EYA4: variants seen among roughly 807,000 people sequenced by gnomAD.
EYA4 encodes protein phosphatase EYA4.
In EYA4, 31 loss-of-function variants were observed where a neutral mutation model predicts 87.9. That is an observed-to-expected ratio of 0.35 (90% CI 0.27 to 0.48). The LOEUF is 0.48. Ranked by LOEUF, EYA4 falls within the 20% of genes least tolerant of loss-of-function variation. The pLI is 0.99. For missense variants in EYA4, 678 were observed against 761.4 expected, an observed-to-expected ratio of 0.89 and a Z score of 1.29; for synonymous variants, 263 against 270.6, an observed-to-expected ratio of 0.97 and a Z score of 0.28.
In EYA4 at chr6:133,411,863, G is replaced by C. The variant is rs140713631; in HGVS notation, c.83+29422G>C. ...GTGAACTTCTAGAAATGCAATTTCA[G>C]GTCAAAGGTCATGCATATTTTAAAG... On this transcript the variant is annotated intron_variant, in intron 3 of 19. Transcript: ENST00000355286. Among the ~76,000 whole-genome samples the C allele has an allele frequency of 6.2e-3, 941 of 152,248 alleles. 10 individuals carry two copies. Among genetic ancestry groups the C allele is most frequent in the Middle Eastern group, 0.027 (8 of 294 alleles).
At chr6:133,308,742 T>A (rs1779999802) in intron 2 of EYA4, among the ~76,000 whole-genome samples, 1 of 152,222 alleles carries the variant, frequency 6.6e-6, no homozygotes, top group Non-Finnish European at 1.5e-5. Context: ...AGGACATGAT[T>A]TTGTCTTTTT....
At chr6:133,324,061 A>G (rs1582957314) in intron 2 of EYA4, among the ~76,000 whole-genome samples, 1 of 152,168 alleles carries the variant, frequency 6.6e-6, no homozygotes, top group African/African-American at 2.4e-5. Flanking sequence ...CTTCTTTGGA[A>G]AATCAGCCCT....
At chr6:133,441,797 G>A (rs1792323431) in intron 3 of EYA4, among the ~76,000 whole-genome samples, 1 of 152,054 alleles carries the variant, frequency 6.6e-6, no homozygotes, top group Non-Finnish European at 1.5e-5. Flanking sequence ...CAGGTAATCA[G>A]AATGAGTCAG....
chr6:133,396,212 TG>T (rs773591009), intron 3 of EYA4, among the ~76,000 whole-genome samples: 2 of 152,230 alleles, frequency 1.3e-5, no homozygotes, highest in African/African-American at 4.8e-5. Flanking sequence ...GTGATTAATT[TG>T]TCAAAATTCC....
At chr6:133,391,474 T>C (rs1045760140) in intron 3 of EYA4, among the ~76,000 whole-genome samples, 1 of 152,166 alleles carries the variant, frequency 6.6e-6, no homozygotes, top group Admixed American at 6.5e-5. Context: ...GTTCATCTCT[T>C]ATTCATCTCT....
At chr6:133,313,269 G>T (rs1780372795) in intron 2 of EYA4, among the ~76,000 whole-genome samples, 3 of 152,166 alleles carry the variant, frequency 2.0e-5, no homozygotes, top group Admixed American at 1.3e-4. Flanking sequence ...AGGAAAGTTT[G>T]CTCCAAGCCA....
intron 13 of EYA4, among the ~76,000 whole-genome samples, chr6:133,502,992 T>A (rs1027514520): frequency 2.6e-5 from 4 of 152,244 alleles, no homozygotes; most frequent in African/African-American, 9.6e-5. Context: ...GAGTGTGTGA[T>A]GTGGAATCTC....
At chr6:133,384,809 G>A (rs191800873) in intron 3 of EYA4, among the ~76,000 whole-genome samples, 5 of 152,110 alleles carry the variant, frequency 3.3e-5, no homozygotes, top group Admixed American at 6.5e-5. Flanking sequence ...AAAATATACC[G>A]AAGAGCACTC....
chr6:133,418,862 A>G (rs923734788), intron 3 of EYA4, among the ~76,000 whole-genome samples: 4 of 152,200 alleles, frequency 2.6e-5, no homozygotes, highest in Non-Finnish European at 5.9e-5. Context: ...CGGTAAACCC[A>G]GGAGCAGTAA....
At chr6:133,372,576 T>C (rs986499261) in intron 2 of EYA4, among the ~76,000 whole-genome samples, 1 of 149,814 alleles carries the variant, frequency 6.7e-6, no homozygotes, top group Non-Finnish European at 1.5e-5. Context: ...ATAAATACAT[T>C]TTTTTTTATT....
At chr6:133,327,664 C>A (rs75851211) in intron 2 of EYA4, among the ~76,000 whole-genome samples, 492 of 152,250 alleles carry the variant, frequency 3.2e-3, no homozygotes, top group African/African-American at 0.011. Flanking sequence ...AGTCAAAATG[C>A]TTGATCCAAT....
At chr6:133,300,826 G>A (rs990566076) in intron 2 of EYA4, among the ~76,000 whole-genome samples, 1 of 152,182 alleles carries the variant, frequency 6.6e-6, no homozygotes, top group Non-Finnish European at 1.5e-5. Context: ...TGTCAGAATG[G>A]AGGAATATTA....
chr6:133,296,801 A>G (rs1014687251), intron 2 of EYA4, among the ~76,000 whole-genome samples: 2 of 151,888 alleles, frequency 1.3e-5, no homozygotes, highest in African/African-American at 2.4e-5. Flanking sequence ...TCAGGTGTCC[A>G]TTTATGTCCA....
At chr6:133,522,074 C>A (rs1328412055) in intron 17 of EYA4, among the ~76,000 whole-genome samples, 174 of 142,166 alleles carry the variant, frequency 1.2e-3, no homozygotes, top group Non-Finnish European at 2.1e-3. Flanking sequence ...ATGTAACTAA[C>A]CTGCACAATG....
At chr6:133,362,357 C>T (rs2095602) in intron 2 of EYA4, among the ~76,000 whole-genome samples, 13,520 of 152,120 alleles carry the variant, frequency 0.089, 755 homozygotes, top group East Asian at 0.16. Context: ...CCGTTATTGT[C>T]CTAGAATGGG....
At chr6:133,464,124 C>CT (rs896412177) in intron 9 of EYA4, among the ~76,000 whole-genome samples, 6 of 151,000 alleles carry the variant, frequency 4.0e-5, no homozygotes, top group Non-Finnish European at 7.4e-5. Flanking sequence ...TCCATAAGGA[C>CT]TTTTTTTTTA....
chr6:133,489,183 G>A lies in EYA4; in HGVS notation c.1191+6068G>A, dbSNP rs368383352. Among the ~76,000 whole-genome samples the A allele has an allele frequency of 5.9e-5, 9 of 152,116 alleles. No homozygotes were observed. The South Asian group carries it at 1.0e-3, about 18-fold the overall frequency. On this transcript the variant is annotated intron_variant, in intron 13 of 19. Coordinates refer to ENST00000355286, the MANE Select transcript of EYA4 (RefSeq NM_004100.5). Reference sequence around the variant, plus strand: ...AAAGAATTAGTGAGCTTGAAGACAGGCTATTTGAAAATACACAGCCAGGGG... The same window carrying A: ...AAAGAATTAGTGAGCTTGAAGACAGACTATTTGAAAATACACAGCCAGGGG...
At chr6:133,453,934 G>A (rs1793683599) in intron 5 of EYA4, among the ~76,000 whole-genome samples, 1 of 152,024 alleles carries the variant, frequency 6.6e-6, no homozygotes, top group Non-Finnish European at 1.5e-5. Context: ...GATGTTTCCA[G>A]TATAATGAAT....
intron 2 of EYA4, among the ~76,000 whole-genome samples, chr6:133,324,904 ATTTTTTTTTTT>A (rs756478373): frequency 1.2e-5 from 1 of 83,578 alleles, no homozygotes; most frequent in African/African-American, 4.7e-5. Context: ...TTCAGAAGCT[ATTTTTTTTTTT>A]TTTTTTTTTT....
Sources: gnomAD v4.1 joint callset for allele counts (sites outside exome capture counted in the v4.1 genomes callset) on GRCh38, gnomAD v4.1.1 for gene constraint, MANE v1.5 for transcripts, NCBI Gene and HGNC (gene_info 2026-07-23, HGNC 2026-07-21) for gene names.